Variants in ANK1 observed in about 807,000 individuals in gnomAD.
ANK1 encodes the protein ankyrin-1.
Under a neutral mutation model 210.4 loss-of-function variants are expected in ANK1, and 51 were observed. The ratio of observed to expected loss-of-function variants is 0.24; its 90% CI spans 0.19 to 0.31. The LOEUF (loss-of-function observed/expected upper bound fraction) is 0.31, where lower values mean the gene tolerates loss of function less well. ANK1 is among the 10% of genes least tolerant of loss of function. The pLI is 1.00. For missense variants in ANK1, 2,051 were observed against 2,504.4 expected (o/e 0.82, Z 3.86); for synonymous variants, 967 against 1,025.9 (o/e 0.94, Z 1.10).
At chr8:41,734,831 AGTTTGAGGCTACAGTGAGCTGAGATCCT>A (rs1326382095) in intron 2 of ANK1, among the ~76,000 whole-genome samples, 2 of 152,050 alleles carry the variant, frequency 1.3e-5, no homozygotes, top group Non-Finnish European at 2.9e-5. Context: ...TGAGCCCAGG[AGTTTGAGGCTACAGTGAGCTGAGATCCT>A]GCTACTGGGT....
rs1399306225 is a variant in ANK1 at position 41,653,354 on chromosome 8, C to A, written c.*2436G>T. The stretch of plus-strand genomic sequence containing the variant: ...CATGTGGGAGAGTCAAGAAAAGATC[C>A]ATTTTCATAACAATTAAAAAAATCA... On this transcript the variant is annotated 3_prime_UTR_variant, in exon 43 of 43. Coordinates refer to ENST00000289734, the MANE Select transcript of ANK1 (RefSeq NM_000037.4). The A allele has an allele frequency of 6.6e-6, 1 of 152,612 alleles. No individual in the cohort carries two copies. The highest frequency in any genetic ancestry group is 1.5e-5 in the Non-Finnish European group (1 of 68,058). The allele number at this position is 152,612 out of a possible 1,614,324, so 9.5% of individuals were successfully genotyped here.
chr8:41,871,644 C>T (rs555795653), intron 1 of ANK1, among the ~76,000 whole-genome samples: 26 of 152,144 alleles, frequency 1.7e-4, no homozygotes, highest in Non-Finnish European at 3.4e-4. Context: ...CCACAGTCCA[C>T]CAAAGGAGCC....
intron 2 of ANK1, among the ~76,000 whole-genome samples, chr8:41,735,988 C>T (rs1023186403): frequency 3.3e-5 from 5 of 152,092 alleles, no homozygotes; most frequent in African/African-American, 1.2e-4. Context: ...CCAAATATTT[C>T]CTCATGCAAA....
intron 1 of ANK1, among the ~76,000 whole-genome samples, chr8:41,834,578 G>C (rs10108560): frequency 0.45 from 68,844 of 152,108 alleles, 16,455 homozygotes; most frequent in East Asian, 0.82. Context: ...AGCCACAGTT[G>C]CACAGGTGCG....
chr8:41,765,306 A>G (rs965419679), intron 1 of ANK1, among the ~76,000 whole-genome samples: 2 of 151,012 alleles, frequency 1.3e-5, no homozygotes, highest in Non-Finnish European at 2.9e-5. Context: ...TGGTGCAGTT[A>G]TAGCTCACTG....
At chr8:41,744,615 C>G (rs1398005902) in intron 2 of ANK1, among the ~76,000 whole-genome samples, 2 of 149,816 alleles carry the variant, frequency 1.3e-5, no homozygotes, top group Non-Finnish European at 3.0e-5. Flanking sequence ...CGGCTCACTG[C>G]AAGCTCCGCC....
intron 1 of ANK1, among the ~76,000 whole-genome samples, chr8:41,835,774 G>C (rs1451612630): frequency 6.6e-6 from 1 of 152,246 alleles, no homozygotes; most frequent in Admixed American, 6.5e-5. Context: ...TTTACTATGT[G>C]GTCTTTGGCA....
Position 41,797,397 on chromosome 8 carries a change from G to C in ANK1, c.27+115C>G. On this transcript the variant is annotated intron_variant, in intron 1 of 42. Transcript: ENST00000289734. The surrounding 1 kb of genome is among the most constrained non-coding windows in gnomAD (Gnocchi z 4.0). ...GCTAAGGCAGGGAGCCCACGGGGAGGCGAGGCGGGTGGGGTGTGCAAAGCT... is the reference window on the plus strand; with the variant it reads ...GCTAAGGCAGGGAGCCCACGGGGAGCCGAGGCGGGTGGGGTGTGCAAAGCT... The C allele has an allele frequency of 1.1e-6, 1 of 924,288 alleles. No homozygotes were observed. Among genetic ancestry groups the C allele is most frequent in the South Asian group, 1.5e-5 (1 of 68,248 alleles). The allele number at this position is 924,288 out of a possible 1,614,324, so 57.3% of individuals were successfully genotyped here. A position where few individuals can be genotyped will look rare whatever the true frequency, so the allele number is the denominator to read the frequency against.
In ANK1 at chr8:41,797,320, G is replaced by C. The variant is rs1047520341; in HGVS notation, c.27+192C>G. ...AAAAATATGAAACTGGCTTCAGCGA[G>C]TAGGGCAGAGTCCACCTGCTGCCTT... On this transcript the variant is annotated intron_variant, in intron 1 of 42. Coordinates refer to ENST00000289734, the MANE Select transcript of ANK1 (RefSeq NM_000037.4). This position sits in a 1 kb window ranked among gnomAD's most constrained non-coding sequence, Gnocchi z 4.0. 5.9e-5 allele frequency among the ~76,000 whole-genome samples: 9 copies of C among 152,248 alleles called. No homozygotes were observed. Among genetic ancestry groups the C allele is most frequent in the Non-Finnish European group, 8.8e-5 (6 of 68,042 alleles).
At position 41,664,927 on chromosome 8, in the gene ANK1, G is replaced by C. The variant is rs763778490; in HGVS notation, c.5395-1185C>G. ...TGGATGTGCTTTAGCACAAAGCACAGGGACCCCCTGACAATGTGCATCACG... is the reference window on the plus strand; with the variant it reads ...TGGATGTGCTTTAGCACAAAGCACACGGACCCCCTGACAATGTGCATCACG... On this transcript the variant is annotated intron_variant, in intron 39 of 42. Transcript: ENST00000289734. 3 of 1,614,132 alleles carry C rather than the reference G, an allele frequency of 1.9e-6. No individual in the cohort carries two copies. In the African/African-American group the frequency reaches 4.0e-5, roughly 22 times the overall value.
At chr8:41,890,617 G>A (rs1187656494) in intron 1 of ANK1, among the ~76,000 whole-genome samples, 2 of 150,904 alleles carry the variant, frequency 1.3e-5, no homozygotes, top group Non-Finnish European at 2.9e-5. Context: ...GCTGAGGCAG[G>A]AGAATCACCT....
At chr8:41,669,786 C>T (rs574111489) in intron 38 of ANK1, among the ~76,000 whole-genome samples, 22 of 152,330 alleles carry the variant, frequency 1.4e-4, no homozygotes, top group African/African-American at 5.1e-4. Context: ...CCTTTCCTCC[C>T]GACACACCTC....
intron 1 of ANK1, among the ~76,000 whole-genome samples, chr8:41,870,856 C>T (rs1815342604): frequency 6.6e-6 from 1 of 152,162 alleles, no homozygotes; most frequent in Non-Finnish European, 1.5e-5. Flanking sequence ...TGCTGGGGGT[C>T]ATGGGTCGGA....
At chr8:41,663,851 T>G in intron 39 of ANK1, 109 bp from the exon 40 acceptor site, 22 of 851,584 alleles carry the variant, frequency 2.6e-5, no homozygotes, top group Non-Finnish European at 3.8e-5. Context: ...CATGGCCCAA[T>G]AACTCCCCCA....
At chr8:41,659,423 A>T (rs906700263) in intron 42 of ANK1, among the ~76,000 whole-genome samples, 7 of 152,234 alleles carry the variant, frequency 4.6e-5, no homozygotes, top group African/African-American at 1.7e-4. Context: ...TCCATGAATG[A>T]GCCAAAGCAC....
At chr8:41,700,439 G>A (rs149922060) in intron 22 of ANK1, 6 of 1,613,770 alleles carry the variant, frequency 3.7e-6, no homozygotes, top group African/African-American at 1.3e-5. Flanking sequence ...ACCCATTATA[G>A]TTATATGAGC....
At chr8:41,850,393 A>T (rs1811022120) in intron 1 of ANK1, among the ~76,000 whole-genome samples, 1 of 152,214 alleles carries the variant, frequency 6.6e-6, no homozygotes, top group South Asian at 2.1e-4. Flanking sequence ...AAAAATGACC[A>T]AAACAGTAGC....
At chr8:41,763,881 CTTTTTTTCTTTTTT>C (rs1841067883) in intron 1 of ANK1, among the ~76,000 whole-genome samples, 4 of 72,148 alleles carry the variant, frequency 5.5e-5, no homozygotes, top group African/African-American at 2.1e-4. Flanking sequence ...TTCTTTTTTT[CTTTTTTTCTTTTTT>C]TTTTTTTTTT....
intron 1 of ANK1, among the ~76,000 whole-genome samples, chr8:41,856,554 C>T (rs866661389): frequency 3.3e-5 from 5 of 152,180 alleles, no homozygotes; most frequent in Middle Eastern, 3.2e-3. Context: ...ATGAAACTAC[C>T]TCACAGGGTT....
Sources: gnomAD v4.1 joint callset for allele counts (sites outside exome capture counted in the v4.1 genomes callset) on GRCh38, gnomAD v4.1.1 for gene constraint, Gnocchi (gnomAD v3.1) non-coding constraint, MANE v1.5 for transcripts, NCBI Gene and HGNC (gene_info 2026-07-23, HGNC 2026-07-21) for gene names.